SEPHS1: variants seen among roughly 807,000 people sequenced by gnomAD.
The protein encoded by SEPHS1 is zincore component SEPHS1.
A neutral mutation model predicts 39.2 loss-of-function variants in SEPHS1; 7 were observed. The ratio of observed to expected loss-of-function variants is 0.18; its 90% CI spans 0.10 to 0.34. SEPHS1 has a LOEUF of 0.34. Ranked by LOEUF, SEPHS1 falls within the 10% of genes least tolerant of loss-of-function variation. SEPHS1 has a pLI of 1.00. For synonymous variants in SEPHS1, 190 were observed against 195.5 expected, an observed-to-expected ratio of 0.97 and a Z score of 0.23; for missense variants, 253 against 514.5, an observed-to-expected ratio of 0.49 and a Z score of 4.92.
Position 13,319,100 on chromosome 10 carries a change from G to C in SEPHS1, c.*42C>G, listed in dbSNP as rs1353111166. ...TTTAATTGAAGTGATAAGGGAAATA[G>C]ATCTATTTAAAAACAAAACCAAACA... On this transcript the variant is annotated 3_prime_UTR_variant, in exon 9 of 9. Transcript: ENST00000327347. 1.9e-6 allele frequency: 3 copies of C among 1,567,058 alleles called. No individual in the cohort carries two copies. The highest frequency in any genetic ancestry group is 2.6e-6 in the Non-Finnish European group (3 of 1,141,352).
intron 8 of SEPHS1, among the ~76,000 whole-genome samples, chr10:13,320,029 GCTT>G (rs1479842344): frequency 6.6e-6 from 1 of 152,114 alleles, no homozygotes; most frequent in East Asian, 1.9e-4. Flanking sequence ...TACCGAGAAT[GCTT>G]TTTTGTATTT....
chr10:13,323,131 CTTACT>C lies in SEPHS1; in HGVS notation c.752-89_752-85del, dbSNP rs1833164127. Reference sequence around the variant, plus strand: ...ACGTCCACAATTAATCTGCAACTTCCTTACTTGTCAGGGAGATGACGTATCGGAAT... The same window carrying C: ...ACGTCCACAATTAATCTGCAACTTCCTGTCAGGGAGATGACGTATCGGAAT... On this transcript the variant is annotated intron_variant, in intron 7 of 8. Transcript: ENST00000327347. 3 of 1,073,964 alleles carry C rather than the reference CTTACT, an allele frequency of 2.8e-6. No individual in the cohort carries two copies. In the Admixed American group the frequency reaches 5.9e-5, roughly 21 times the overall value. The allele number at this position is 1,073,964 out of a possible 1,614,324, so 66.5% of individuals were successfully genotyped here. A position where few individuals can be genotyped will look rare whatever the true frequency, so the allele number is the denominator to read the frequency against.
chr10:13,344,128 C>G (rs767095455), intron 2 of SEPHS1, among the ~76,000 whole-genome samples: 1 of 152,128 alleles, frequency 6.6e-6, no homozygotes, highest in African/African-American at 2.4e-5. Context: ...ACCTCCTCAC[C>G]GTAACACGCT....
Position 13,340,221 on chromosome 10 carries a change from C to G in SEPHS1, c.194-1413G>C, listed in dbSNP as rs1490444647. Among the ~76,000 whole-genome samples the G allele has an allele frequency of 4.0e-5, 6 of 151,882 alleles. No individual in the cohort carries two copies. The Admixed American group carries it at 4.0e-4, about 10-fold the overall frequency. On this transcript the variant is annotated intron_variant, in intron 2 of 8. Transcript: ENST00000327347. Reference sequence around the variant, plus strand: ...TTCCTGCTGCAAAAATGAAATCTCACTCAATAAAAAGCCATAGTCTGTGAA... The same window carrying G: ...TTCCTGCTGCAAAAATGAAATCTCAGTCAATAAAAAGCCATAGTCTGTGAA...
intron 5 of SEPHS1, among the ~76,000 whole-genome samples, chr10:13,333,043 G>A (rs1001959878): frequency 4.6e-5 from 7 of 152,020 alleles, no homozygotes; most frequent in African/African-American, 1.7e-4. Flanking sequence ...CATCAACTCC[G>A]GTAATGGCTG....
chr10:13,322,350 T>C (rs1833143348), intron 8 of SEPHS1, among the ~76,000 whole-genome samples: 1 of 152,048 alleles, frequency 6.6e-6, no homozygotes, highest in Admixed American at 6.6e-5. Context: ...TTCACCATGT[T>C]GGCCAGGCTG....
chr10:13,335,459 T>C (rs760870874), intron 4 of SEPHS1, among the ~76,000 whole-genome samples: 14 of 143,416 alleles, frequency 9.8e-5, no homozygotes, highest in Non-Finnish European at 1.8e-4. Flanking sequence ...AGCTCAGGAG[T>C]TCGAGACCAG....
At chr10:13,329,302 A>T (rs1588538053) in intron 6 of SEPHS1, among the ~76,000 whole-genome samples, 1 of 152,346 alleles carries the variant, frequency 6.6e-6, no homozygotes, top group South Asian at 2.1e-4. Flanking sequence ...AAAACTGCAT[A>T]AAACAATTTA....
At chr10:13,333,639 C>G (rs982925881) in intron 5 of SEPHS1, among the ~76,000 whole-genome samples, 178 bp downstream of exon 5, 10 of 152,100 alleles carry the variant, frequency 6.6e-5, no homozygotes, top group African/African-American at 2.2e-4. Context: ...CAGGGTTTCG[C>G]CACATTGGCC....
At chr10:13,338,302 G>C (rs1004896823) in intron 3 of SEPHS1, among the ~76,000 whole-genome samples, 6 of 152,202 alleles carry the variant, frequency 3.9e-5, no homozygotes, top group African/African-American at 1.4e-4. Flanking sequence ...TTTAGGATCA[G>C]TCCTATTACA....
intron 7 of SEPHS1, among the ~76,000 whole-genome samples, chr10:13,326,530 T>G (rs1833298066): frequency 6.6e-6 from 1 of 150,956 alleles, no homozygotes; most frequent in Non-Finnish European, 1.5e-5. Context: ...GATTCTCTAT[T>G]CTGTTCCTCT....
rs200356621 is a variant in SEPHS1 at position 13,337,463 on chromosome 10, A to G, written c.298-1113T>C. ...AGAAAATACAAATTTTCCTTCTGAC[A>G]TAAGGATAATCAAACTCCCAAGTGT... On this transcript the variant is annotated intron_variant, in intron 3 of 8. Transcript: ENST00000327347. Among the ~76,000 whole-genome samples the G allele has an allele frequency of 2.5e-3, 379 of 152,352 alleles. 1 individual carries two copies. The highest frequency in any genetic ancestry group is 3.9e-3 in the Non-Finnish European group (265 of 68,036).
In SEPHS1 at chr10:13,336,279, C is replaced by A; in HGVS notation, c.369G>T (p.Leu123=). Residue 123 remains leucine (L), a synonymous_variant, in exon 4 of 9, where the codon CTG becomes CTT. Transcript: ENST00000327347. The part of the protein sequence containing the change: ...AMGVTECDNM[L]MLLGVSNKMT... ...TTTTATTACTGACTCCAAGGAGCAT[C>A]AGCATATTGTCACATTCCGTGACCC... The A allele has an allele frequency of 1.2e-6, 2 of 1,613,940 alleles. No individual in the cohort carries two copies. Among genetic ancestry groups the A allele is most frequent in the Non-Finnish European group, 8.5e-7 (1 of 1,179,844 alleles).
At chr10:13,346,385 G>C (rs566171259) in intron 1 of SEPHS1, among the ~76,000 whole-genome samples, 1 of 152,182 alleles carries the variant, frequency 6.6e-6, no homozygotes, top group Non-Finnish European at 1.5e-5. Context: ...CCATCCCTTG[G>C]GACGCACATC....
rs759313613 is a variant in SEPHS1 at position 13,329,791 on chromosome 10, GAAGAA to G, written c.561-8_561-4del. ...CCCCTGGCACTGCATTGTCTGGCCT[GAAGAA>G]AAGAAAAGGGCATGTTCTAGTCAAA... On this transcript the variant is annotated splice_polypyrimidine_tract_variant and splice_region_variant and intron_variant, in intron 5 of 8. Coordinates refer to ENST00000327347, the MANE Select transcript of SEPHS1 (RefSeq NM_012247.5). 1.0e-5 allele frequency: 16 copies of G among 1,604,208 alleles called. No homozygotes were observed. The highest frequency in any genetic ancestry group is 2.2e-5 in the East Asian group (1 of 44,734).
At position 13,330,237 on chromosome 10, in the gene SEPHS1, A is replaced by G. The variant is rs1833424212; in HGVS notation, c.561-449T>C. Among the ~76,000 whole-genome samples the G allele has an allele frequency of 2.0e-5, 3 of 152,202 alleles. No homozygotes were observed. In the South Asian group the frequency reaches 6.2e-4, roughly 32 times the overall value. ...CACTACAGACCCACTAGCATTCAAA[A>G]GCTTCTGAAACAGAGAGTGCTTCTT... On this transcript the variant is annotated intron_variant, in intron 5 of 8. Transcript: ENST00000327347.
intron 7 of SEPHS1, among the ~76,000 whole-genome samples, chr10:13,323,261 T>C (rs1013853934): frequency 3.9e-5 from 6 of 152,244 alleles, no homozygotes; most frequent in Admixed American, 6.5e-5. Context: ...CTTCAATTAA[T>C]AGTAGTTTTC....
chr10:13,325,946 CAAAAAAAA>C (rs201372928), intron 7 of SEPHS1, among the ~76,000 whole-genome samples: 26 of 34,340 alleles, frequency 7.6e-4, no homozygotes, highest in African/African-American at 4.2e-3. Context: ...GACTCAGTCT[CAAAAAAAA>C]AAAAAAAAAA....
intron 8 of SEPHS1, among the ~76,000 whole-genome samples, chr10:13,320,218 G>T (rs936225989): frequency 1.3e-5 from 2 of 150,066 alleles, no homozygotes; most frequent in African/African-American, 4.9e-5. Flanking sequence ...GAGTCTCGCT[G>T]TCTCCCAGGT....
Sources: allele counts gnomAD v4.1 joint callset (sites outside exome capture counted in the v4.1 genomes callset), GRCh38; gene constraint gnomAD v4.1.1; transcripts MANE v1.5; gene names NCBI Gene and HGNC (gene_info 2026-07-23, HGNC 2026-07-21).